Variants in CXXC1 observed in about 807,000 individuals in gnomAD.
The protein encoded by CXXC1 is CXXC finger protein 1, also known as CXXC-type zinc finger protein 1.
CXXC1 carries 21 observed loss-of-function variants against 83.6 expected under a neutral mutation model. The ratio of observed to expected loss-of-function variants is 0.25; its 90% CI spans 0.18 to 0.36. The LOEUF (loss-of-function observed/expected upper bound fraction) is 0.36. CXXC1 is among the 10% of genes least tolerant of loss of function. The pLI, the probability that CXXC1 is intolerant of heterozygous loss-of-function variation, is 1.00. For synonymous variants in CXXC1, 371 were observed against 337.5 expected (o/e 1.10, Z -1.09); for missense variants, 688 against 919.5 (o/e 0.75, Z 3.26).
In CXXC1 at chr18:50,282,916, T is replaced by G; in HGVS notation, c.1762A>C (p.Asn588His). The G allele has an allele frequency of 6.2e-7, 1 of 1,614,200 alleles. No homozygotes were observed. The highest frequency in any genetic ancestry group is 8.5e-7 in the Non-Finnish European group (1 of 1,180,034). ...DFCRLPKRQC[N>H]RHYCWEKLRR... ...AGCTTCTCCCAGCAGTAATGGCGATTGCACTGGCGCTTGGGCAGGCGGCAG... is the reference window on the plus strand; with the variant it reads ...AGCTTCTCCCAGCAGTAATGGCGATGGCACTGGCGCTTGGGCAGGCGGCAG... Residue 588 changes from asparagine to histidine, a missense_variant, in exon 14 of 15, where the codon AAT becomes CAT. Transcript: ENST00000285106. This position sits in a 1 kb window ranked among gnomAD's most constrained non-coding sequence, Gnocchi z 5.8.
At chr18:50,283,590 G>GA (rs1568303688) in intron 11 of CXXC1, 26 bp from the exon 12 acceptor site, 1 of 1,613,666 alleles carries the variant, frequency 6.2e-7, no homozygotes, top group South Asian at 1.1e-5. Context: ...CAAATGGAGG[G>GA]AACTGTGGAT....
chr18:50,283,699 C>T lies in CXXC1; in HGVS notation c.1524+6G>A. The T allele has an allele frequency of 1.2e-6, 2 of 1,613,908 alleles. No individual in the cohort carries two copies. The highest frequency in any genetic ancestry group is 8.5e-7 in the Non-Finnish European group (1 of 1,179,828). On this transcript the variant is annotated splice_donor_region_variant and intron_variant, in intron 11 of 14. Transcript: ENST00000285106. ...ATGGTCCGCCCCCTCAGTCTGACAC[C>T]CCAACCTTGGCGTAGCAGCGCTCCA...
Position 50,286,878 on chromosome 18 carries a change from C to CGG in CXXC1, c.4-22_4-21dup, listed in dbSNP as rs1167410438. ...TCCCTCCTGCAGGACACCCCCATTA[C>CGG]GGATCCTTAAGCAGCCCCCACCGTG... On this transcript the variant is annotated intron_variant, in intron 1 of 14. Coordinates refer to ENST00000285106, the MANE Select transcript of CXXC1 (RefSeq NM_014593.4). 1.3e-6 allele frequency: 2 copies of CGG among 1,558,154 alleles called. No individual in the cohort carries two copies. Among genetic ancestry groups the CGG allele is most frequent in the Admixed American group, 3.3e-5 (2 of 59,922 alleles).
Position 50,285,755 on chromosome 18 carries a change from C to T in CXXC1, c.633G>A (p.Arg211=). ...QKCRLRQCQL[R]ARESYKYFPS... ...CAGCTCTGTCCATGCTCACCCGGGC[C>T]CGCAGCTGGCACTGGCGCAGCCGGC... Residue 211 remains arginine (R), a synonymous_variant, in exon 5 of 15, where the codon CGG becomes CGA. Coordinates refer to ENST00000285106, the MANE Select transcript of CXXC1 (RefSeq NM_014593.4). The surrounding 1 kb of genome is among the most constrained non-coding windows in gnomAD (Gnocchi z 4.4). 6.2e-7 allele frequency: 1 copy of T among 1,612,642 alleles called. No individual in the cohort carries two copies. The highest frequency in any genetic ancestry group is 8.5e-7 in the Non-Finnish European group (1 of 1,180,002).
intron 1 of CXXC1, 186 bp downstream of exon 1, chr18:50,287,401 G>A (rs975097897): frequency 1.2e-5 from 8 of 661,020 alleles, no homozygotes; most frequent in Non-Finnish European, 2.1e-5. Flanking sequence ...CTTCTATTAA[G>A]GAGCCCCCCA....
chr18:50,283,254 G>A lies in CXXC1; in HGVS notation c.1671+11C>T. ...AGGGGCAAAATGGGAGGAGCTGAGG[G>A]AAAACCTTACTTTGGGGTCCCGTGA... is the stretch of plus-strand genomic sequence containing the variant. On this transcript the variant is annotated intron_variant, in intron 13 of 14. Coordinates refer to ENST00000285106, the MANE Select transcript of CXXC1 (RefSeq NM_014593.4). 2 of 1,611,568 alleles carry A rather than the reference G, an allele frequency of 1.2e-6. No homozygotes were observed. Among genetic ancestry groups the A allele is most frequent in the East Asian group, 2.2e-5 (1 of 44,864 alleles).
rs146913030 is a variant in CXXC1 at position 50,282,592 on chromosome 18, C to T, written c.*1G>A. The T allele has an allele frequency of 3.7e-5, 60 of 1,607,824 alleles. 1 individual carries two copies. The African/African-American group carries it at 7.1e-4, about 19-fold the overall frequency. On this transcript the variant is annotated 3_prime_UTR_variant, in exon 15 of 15. Coordinates refer to ENST00000285106, the MANE Select transcript of CXXC1 (RefSeq NM_014593.4). The surrounding 1 kb of genome is among the most constrained non-coding windows in gnomAD (Gnocchi z 5.8). ...GGTGTAAGGGGTCCGGGCCAGGAGG[C>T]TCAGCGGTCGGCACTGGAGCGCAGG...
At position 50,282,514 on chromosome 18, in the gene CXXC1, G is replaced by T; in HGVS notation, c.*79C>A. 6.5e-7 allele frequency: 1 copy of T among 1,539,038 alleles called. No individual in the cohort carries two copies. The highest frequency in any genetic ancestry group is 1.1e-5 in the South Asian group (1 of 88,116). On this transcript the variant is annotated 3_prime_UTR_variant, in exon 15 of 15. Coordinates refer to ENST00000285106, the MANE Select transcript of CXXC1 (RefSeq NM_014593.4). This position sits in a 1 kb window ranked among gnomAD's most constrained non-coding sequence, Gnocchi z 5.8. ...CACAGGGAGAACCGGAGAAACAGATGAGTGGAGGAACGGACACACGGGCAC... is the reference window on the plus strand; with the variant it reads ...CACAGGGAGAACCGGAGAAACAGATTAGTGGAGGAACGGACACACGGGCAC...
Position 50,285,732 on chromosome 18 carries a change from GCT to G in CXXC1, c.639+15_639+16del, listed in dbSNP as rs778313989. 1.9e-6 allele frequency: 3 copies of G among 1,609,454 alleles called. No individual in the cohort carries two copies. Among genetic ancestry groups the G allele is most frequent in the Non-Finnish European group, 1.7e-6 (2 of 1,179,730 alleles). ...GCTCTCCCACACCTGACCCTACCCA[GCT>G]CTGTCCATGCTCACCCGGGCCCGCA... is the stretch of plus-strand genomic sequence containing the variant. On this transcript the variant is annotated intron_variant, in intron 5 of 14. Coordinates refer to ENST00000285106, the MANE Select transcript of CXXC1 (RefSeq NM_014593.4). The surrounding 1 kb of genome is among the most constrained non-coding windows in gnomAD (Gnocchi z 4.4).
At chr18:50,287,476 C>A in intron 1 of CXXC1, 111 bp downstream of exon 1, 1 of 1,340,684 alleles carries the variant, frequency 7.5e-7, no homozygotes, top group South Asian at 1.2e-5. Context: ...GCCGTTCAGT[C>A]CACAGACTCC....
chr18:50,284,129 T>C (rs190911438), intron 9 of CXXC1, 28 bp from the exon 10 acceptor site: 1 of 1,589,070 alleles, frequency 6.3e-7, no homozygotes, highest in African/African-American at 1.3e-5. Flanking sequence ...AGCAACAGAA[T>C]GAGTGAGGTG....
At chr18:50,284,347 G>T in intron 9 of CXXC1, 31 bp downstream of exon 9, 2 of 1,519,412 alleles carry the variant, frequency 1.3e-6, no homozygotes, top group South Asian at 2.6e-5. Context: ...TGCACTTCCT[G>T]ACTCCCTTGA....
rs777803526 is a variant in CXXC1 at position 50,286,707 on chromosome 18, A to G, written c.122+33T>C. 8 of 1,608,272 alleles carry G rather than the reference A, an allele frequency of 5.0e-6. No individual in the cohort carries two copies. The South Asian group carries it at 7.7e-5, about 15-fold the overall frequency. ...CCCATCGGCCTCACCCCACCCTGCC[A>G]GTGTCAGCCCCGCCCATCTCTCCCG... On this transcript the variant is annotated intron_variant, in intron 2 of 14. Coordinates refer to ENST00000285106, the MANE Select transcript of CXXC1 (RefSeq NM_014593.4).
In CXXC1 at chr18:50,283,538, G is replaced by A. The variant is rs1239532846; in HGVS notation, c.1551C>T (p.Ser517=). 1.9e-6 allele frequency: 3 copies of A among 1,613,682 alleles called. No individual in the cohort carries two copies. Among genetic ancestry groups the A allele is most frequent in the East Asian group, 2.2e-5 (1 of 44,864 alleles). The part of the protein sequence containing the change: ...AKYESQTSFG[S]MYPTRIEGAT... Reference sequence around the variant, plus strand: ...ACCCTTCAATGCGTGTGGGGTACATGGACCCAAAGGACGTCTGGCTCTCAT... The same window carrying A: ...ACCCTTCAATGCGTGTGGGGTACATAGACCCAAAGGACGTCTGGCTCTCAT... The change falls in exon 12 of 15, where the codon TCC becomes TCT. Residue 517 remains serine, a synonymous_variant. Transcript: ENST00000285106.
chr18:50,283,316 T>A lies in CXXC1; in HGVS notation c.1620A>T (p.Thr540=). 6.2e-7 allele frequency: 1 copy of A among 1,614,014 alleles called. No individual in the cohort carries two copies. The highest frequency in any genetic ancestry group is 8.5e-7 in the Non-Finnish European group (1 of 1,180,010). ...ACAGCACCTGGAGCCGCTTACAGTA[T>A]GTTTTGCTCTGAGGATTATACACAT... ...FCDVYNPQSK[T]YCKRLQVLCP... Residue 540 remains threonine (T), a synonymous_variant, in exon 13 of 15, where the codon ACA becomes ACT. Coordinates refer to ENST00000285106, the MANE Select transcript of CXXC1 (RefSeq NM_014593.4).
Position 50,283,748 on chromosome 18 carries a change from T to G in CXXC1, c.1481A>C (p.Asn494Thr), listed in dbSNP as rs2040666398. Reference protein sequence around the residue: ...IFCVSCGHPINPRVALRHMER... With the variant: ...IFCVSCGHPITPRVALRHMER... ...CATGTGGCGCAAGGCAACACGTGGGTTGATGGGGTGCCCACAGGAAACACA... is the reference window on the plus strand; with the variant it reads ...CATGTGGCGCAAGGCAACACGTGGGGTGATGGGGTGCCCACAGGAAACACA... The change falls in exon 11 of 15, where the codon AAC becomes ACC. Residue 494 changes from asparagine (N) to threonine (T), a missense_variant. Physicochemically the swap from Asn to Thr is moderately conservative, Grantham distance 65 (BLOSUM62 0). This residue lies in a region of CXXC1 where 19 missense variants were observed against 64.1 expected (regional missense o/e 0.30). Transcript: ENST00000285106. The G allele has an allele frequency of 6.2e-7, 1 of 1,614,046 alleles. No homozygotes were observed. Among genetic ancestry groups the G allele is most frequent in the Non-Finnish European group, 8.5e-7 (1 of 1,180,038 alleles).
In CXXC1 at chr18:50,282,793, C is replaced by T; in HGVS notation, c.1825-54G>A. On this transcript the variant is annotated intron_variant, in intron 14 of 14. Transcript: ENST00000285106. This position sits in a 1 kb window ranked among gnomAD's most constrained non-coding sequence, Gnocchi z 5.8. ...CAGGAACACCTGCAGCCCCGCCTGCCCCGGCCACGTCCGACATGGAAACCT... is the reference window on the plus strand; with the variant it reads ...CAGGAACACCTGCAGCCCCGCCTGCTCCGGCCACGTCCGACATGGAAACCT... 2 of 1,611,958 alleles carry T rather than the reference C, an allele frequency of 1.2e-6. No homozygotes were observed. The highest frequency in any genetic ancestry group is 1.7e-6 in the Non-Finnish European group (2 of 1,178,304).
chr18:50,287,407 C>A, intron 1 of CXXC1, 180 bp downstream of exon 1: 1 of 717,642 alleles, frequency 1.4e-6, no homozygotes, highest in East Asian at 2.6e-5. Context: ...TTAAGGAGCC[C>A]CCCACCGTGG....
At position 50,283,017 on chromosome 18, in the gene CXXC1, G is replaced by A. The variant is rs2040583412; in HGVS notation, c.1672-11C>T. 6.2e-7 allele frequency: 1 copy of A among 1,613,452 alleles called. No individual in the cohort carries two copies. Among genetic ancestry groups the A allele is most frequent in the South Asian group, 1.1e-5 (1 of 91,082 alleles). ...CTCGTCAGCTGGCACCTGCAAGGAGGCCAGGTTGGGGGGATGAATAGCGGT... is the reference window on the plus strand; with the variant it reads ...CTCGTCAGCTGGCACCTGCAAGGAGACCAGGTTGGGGGGATGAATAGCGGT... On this transcript the variant is annotated splice_polypyrimidine_tract_variant and intron_variant, in intron 13 of 14. Transcript: ENST00000285106.
Sources: allele counts gnomAD v4.1 joint callset, GRCh38; gene constraint gnomAD v4.1.1; regional missense constraint gnomAD v4.1.1; non-coding constraint Gnocchi (gnomAD v3.1); transcripts MANE v1.5; gene names NCBI Gene and HGNC (gene_info 2026-07-23, HGNC 2026-07-21).